Variants in OBI1 observed in about 807,000 individuals in gnomAD.
OBI1 encodes the protein ring finger protein 219.
In OBI1, 59 loss-of-function variants were observed where a neutral mutation model predicts 62.4. The observed-to-expected ratio is 0.95, with a 90% CI of 0.77 to 1.17. OBI1 has a LOEUF of 1.17. OBI1 is among the 50% of genes most tolerant of loss of function. OBI1 has a pLI of 0.00. For missense variants in OBI1, 875 were observed against 830.9 expected (o/e 1.05, Z -0.65); for synonymous variants, 302 against 292.8 (o/e 1.03, Z -0.32).
In OBI1 at chr13:78,628,946, A is replaced by C. The variant is rs115611350; in HGVS notation, c.638+6164T>G. Among the ~76,000 whole-genome samples, 1,363 of 151,986 alleles carry C rather than the reference A, an allele frequency of 9.0e-3. 20 individuals carry two copies. Among genetic ancestry groups the C allele is most frequent in the African/African-American group, 0.03 (1,261 of 41,568 alleles). On this transcript the variant is annotated intron_variant, in intron 5 of 5. Transcript: ENST00000282003. ...TTGATTTTGTTTTATAATCTCTGAC[A>C]CATAGGCAGACAATTATTAAAGCCC...
intron 5 of OBI1, among the ~76,000 whole-genome samples, chr13:78,624,222 G>A (rs1323564199): frequency 1.3e-5 from 2 of 152,146 alleles, no homozygotes; most frequent in African/African-American, 4.8e-5. Context: ...TTGCATCTTA[G>A]TTTTATCACA....
chr13:78,620,979 C>T (rs984135019), intron 5 of OBI1, among the ~76,000 whole-genome samples: 1 of 152,136 alleles, frequency 6.6e-6, no homozygotes, highest in Non-Finnish European at 1.5e-5. Context: ...AGTGGGTGGC[C>T]AAGACTGCCA....
chr13:78,658,856 C>T (rs1196400988), intron 1 of OBI1, among the ~76,000 whole-genome samples, 193 bp downstream of exon 1: 1 of 152,170 alleles, frequency 6.6e-6, no homozygotes, highest in Non-Finnish European at 1.5e-5. Context: ...GAAAGGCGCC[C>T]AGATGAATCC....
intron 5 of OBI1, among the ~76,000 whole-genome samples, chr13:78,621,882 C>A (rs1453854155): frequency 6.6e-6 from 1 of 152,138 alleles, no homozygotes; most frequent in Non-Finnish European, 1.5e-5. Context: ...TGTGAAAATT[C>A]ATCAAGGTAT....
intron 1 of OBI1, among the ~76,000 whole-genome samples, chr13:78,653,237 G>A (rs1021607416): frequency 6.6e-6 from 1 of 152,166 alleles, no homozygotes; most frequent in Admixed American, 6.5e-5. Flanking sequence ...GCGGTTCCCT[G>A]CATATTACAG....
At chr13:78,647,115 C>G (rs983862024) in intron 1 of OBI1, among the ~76,000 whole-genome samples, 1 of 152,250 alleles carries the variant, frequency 6.6e-6, no homozygotes, top group African/African-American at 2.4e-5. Flanking sequence ...GACCTCTGCA[C>G]AGGAAAGCCG....
chr13:78,643,783 T>C (rs1876294644), intron 2 of OBI1, among the ~76,000 whole-genome samples: 1 of 151,794 alleles, frequency 6.6e-6, no homozygotes. Flanking sequence ...AGCGAAACTC[T>C]GTCTCAAAAA....
At chr13:78,639,737 C>T (rs1189537510) in intron 3 of OBI1, among the ~76,000 whole-genome samples, 1 of 148,508 alleles carries the variant, frequency 6.7e-6, no homozygotes, top group African/African-American at 2.5e-5. Flanking sequence ...TAAACTATCG[C>T]AAGAACAAAA....
intron 5 of OBI1, among the ~76,000 whole-genome samples, chr13:78,622,652 T>C (rs986163433): frequency 6.6e-6 from 1 of 152,198 alleles, no homozygotes; most frequent in African/African-American, 2.4e-5. Flanking sequence ...TTTCCTTTCT[T>C]AATTATATCT....
chr13:78,654,039 A>AC (rs937208955), intron 1 of OBI1, among the ~76,000 whole-genome samples: 21 of 151,386 alleles, frequency 1.4e-4, no homozygotes, highest in Non-Finnish European at 2.2e-4. Context: ...GAAAAAAAAA[A>AC]AAAAAAAACC....
intron 5 of OBI1, among the ~76,000 whole-genome samples, chr13:78,633,101 C>T (rs983396018): frequency 1.3e-5 from 2 of 152,146 alleles, no homozygotes; most frequent in Non-Finnish European, 2.9e-5. Flanking sequence ...AAATAGCTTT[C>T]GTTCCATTCA....
chr13:78,656,031 A>C (rs1236639309), intron 1 of OBI1, among the ~76,000 whole-genome samples: 1 of 152,206 alleles, frequency 6.6e-6, no homozygotes, highest in African/African-American at 2.4e-5. Flanking sequence ...TTTGGTTGGG[A>C]ATGCAAATCT....
At chr13:78,655,793 CGAAG>C (rs1876684526) in intron 1 of OBI1, among the ~76,000 whole-genome samples, 1 of 152,114 alleles carries the variant, frequency 6.6e-6, no homozygotes, top group Non-Finnish European at 1.5e-5. Context: ...GAGCTAGGCA[CGAAG>C]GACCTTAGGA....
At chr13:78,658,189 A>C (rs1876766237) in intron 1 of OBI1, among the ~76,000 whole-genome samples, 1 of 152,144 alleles carries the variant, frequency 6.6e-6, no homozygotes, top group Non-Finnish European at 1.5e-5. Flanking sequence ...ACCCTGACAC[A>C]CCACAGACGT....
At chr13:78,643,726 T>C (rs1343506429) in intron 2 of OBI1, among the ~76,000 whole-genome samples, 1 of 151,878 alleles carries the variant, frequency 6.6e-6, no homozygotes, top group African/African-American at 2.4e-5. Context: ...AGGCAGAGGT[T>C]GCGGTGAGCC....
At chr13:78,649,167 G>A (rs1876472456) in intron 1 of OBI1, among the ~76,000 whole-genome samples, 1 of 152,164 alleles carries the variant, frequency 6.6e-6, no homozygotes, top group Admixed American at 6.5e-5. Context: ...TTGAGTCACT[G>A]CCATAAAAGA....
At chr13:78,626,750 A>G (rs1202778712) in intron 5 of OBI1, among the ~76,000 whole-genome samples, 8 of 152,194 alleles carry the variant, frequency 5.3e-5, no homozygotes, top group Non-Finnish European at 2.9e-5. Flanking sequence ...GAAGTTATAT[A>G]GTAAAGACCC....
intron 1 of OBI1, 24 bp downstream of exon 1, chr13:78,659,025 G>C (rs771751372): frequency 1.8e-5 from 29 of 1,607,008 alleles, no homozygotes; most frequent in Middle Eastern, 1.7e-4. Flanking sequence ...CCGTTTTGTA[G>C]CTGTGCCCAC....
At chr13:78,617,391 G>C in intron 5 of OBI1, 1 of 320,398 alleles carries the variant, frequency 3.1e-6, no homozygotes, top group Non-Finnish European at 5.7e-6. Context: ...GAAATGTGCT[G>C]ATGATTTCCC....
Sources: gnomAD v4.1 joint callset for allele counts (sites outside exome capture counted in the v4.1 genomes callset) on GRCh38, gnomAD v4.1.1 for gene constraint, MANE v1.5 for transcripts, NCBI Gene and HGNC (gene_info 2026-07-23, HGNC 2026-07-21) for gene names.